The following ARHGAP20 variants were observed in gnomAD, a reference collection of about 807,000 sequenced individuals.
ARHGAP20 encodes rho GTPase-activating protein 20.
ARHGAP20 carries 34 observed loss-of-function variants against 73.7 expected under a neutral mutation model. The observed-to-expected ratio is 0.46, with a 90% CI of 0.35 to 0.61. The LOEUF (loss-of-function observed/expected upper bound fraction) is 0.61, where lower values mean the gene tolerates loss of function less well. Among genes scored for constraint, ARHGAP20 ranks in the 20% least tolerant of loss-of-function variants. ARHGAP20 has a pLI of 0.00. For synonymous variants in ARHGAP20, 523 were observed against 518.2 expected, an observed-to-expected ratio of 1.01 and a Z score of -0.13; for missense variants, 1,314 against 1,420.9, an observed-to-expected ratio of 0.92 and a Z score of 1.21.
intron 2 of ARHGAP20, among the ~76,000 whole-genome samples, chr11:110,688,951 G>A (rs942631502): frequency 2.6e-5 from 4 of 151,536 alleles, no homozygotes; most frequent in African/African-American, 9.7e-5. Flanking sequence ...TTGGGATTTG[G>A]ATATATAACT....
At chr11:110,650,407 T>G (rs1437827452) in intron 2 of ARHGAP20, among the ~76,000 whole-genome samples, 1 of 152,162 alleles carries the variant, frequency 6.6e-6, no homozygotes, top group African/African-American at 2.4e-5. Flanking sequence ...CAAATAATTT[T>G]TAATTAGAGT....
At chr11:110,615,496 G>T in intron 5 of ARHGAP20, 57 bp downstream of exon 5, 1 of 1,501,004 alleles carries the variant, frequency 6.7e-7, no homozygotes, top group South Asian at 1.2e-5. Context: ...CTGCAGAAAA[G>T]GTCTTAATTC....
At chr11:110,639,177 T>C (rs1306507992) in intron 2 of ARHGAP20, among the ~76,000 whole-genome samples, 10 of 151,948 alleles carry the variant, frequency 6.6e-5, no homozygotes, top group Admixed American at 6.6e-4. Context: ...CTAGTTTAGC[T>C]GCTTGGCTCA....
At chr11:110,621,329 TA>T (rs1267143623) in intron 4 of ARHGAP20, among the ~76,000 whole-genome samples, 5 of 152,108 alleles carry the variant, frequency 3.3e-5, no homozygotes, top group Non-Finnish European at 1.5e-5. Flanking sequence ...AGGTAGTTTT[TA>T]ACCACTATTT....
intron 2 of ARHGAP20, among the ~76,000 whole-genome samples, chr11:110,687,707 A>G (rs372892420): frequency 1.3e-5 from 2 of 152,218 alleles, no homozygotes; most frequent in Non-Finnish European, 2.9e-5. Flanking sequence ...ATTTTTAAAA[A>G]GTTGAAAATA....
intron 9 of ARHGAP20, among the ~76,000 whole-genome samples, chr11:110,599,021 C>T (rs1323907778): frequency 2.0e-5 from 3 of 152,126 alleles, no homozygotes; most frequent in African/African-American, 7.2e-5. Context: ...ATAGACCAGA[C>T]CTCCCTGTGC....
intron 2 of ARHGAP20, among the ~76,000 whole-genome samples, chr11:110,682,228 C>T (rs1950050360): frequency 6.6e-6 from 1 of 152,136 alleles, no homozygotes; most frequent in South Asian, 2.1e-4. Context: ...ATGTGTACTT[C>T]CTTCTGCTGT....
At chr11:110,584,761 C>T (rs1483059153) in intron 12 of ARHGAP20, among the ~76,000 whole-genome samples, 2 of 151,786 alleles carry the variant, frequency 1.3e-5, no homozygotes, top group African/African-American at 4.8e-5. Flanking sequence ...GTGGAGAGAA[C>T]TGATTGATCT....
chr11:110,697,302 A>G (rs77608947), intron 1 of ARHGAP20, among the ~76,000 whole-genome samples: 26,462 of 151,586 alleles, frequency 0.17, 2,321 homozygotes, highest in South Asian at 0.31. Context: ...ACAATATCTC[A>G]TTGTAGTTTT....
chr11:110,583,812 G>C, intron 12 of ARHGAP20, 75 bp from the exon 13 acceptor site: 3 of 1,217,242 alleles, frequency 2.5e-6, no homozygotes, highest in South Asian at 3.8e-5. Flanking sequence ...CTCTCACTTT[G>C]AATGGGGAAG....
intron 1 of ARHGAP20, among the ~76,000 whole-genome samples, chr11:110,709,085 A>G (rs1365135069): frequency 6.6e-6 from 1 of 152,092 alleles, no homozygotes. Context: ...GAGACTCACC[A>G]CTTGTTTCTC....
chr11:110,689,624 G>A (rs964905303), intron 2 of ARHGAP20, among the ~76,000 whole-genome samples: 1 of 152,118 alleles, frequency 6.6e-6, no homozygotes, highest in African/African-American at 2.4e-5. Flanking sequence ...AGTCAGGTGT[G>A]AGCAGGGCAG....
At chr11:110,619,637 T>G (rs1399663308) in intron 4 of ARHGAP20, among the ~76,000 whole-genome samples, 8 of 151,972 alleles carry the variant, frequency 5.3e-5, no homozygotes, top group Admixed American at 5.2e-4. Flanking sequence ...ATAGAGTATA[T>G]GCAGTGATAG....
chr11:110,698,153 C>A (rs759457932), intron 1 of ARHGAP20, among the ~76,000 whole-genome samples: 7 of 151,598 alleles, frequency 4.6e-5, no homozygotes, highest in Non-Finnish European at 8.9e-5. Flanking sequence ...TTACTGAATG[C>A]CTTTTCTGCA....
In ARHGAP20 at chr11:110,578,964, T is replaced by C; in HGVS notation, c.*406A>G. On this transcript the variant is annotated 3_prime_UTR_variant, in exon 15 of 15. Coordinates refer to ENST00000683387, the MANE Select transcript of ARHGAP20 (RefSeq NM_001384657.1). The stretch of plus-strand genomic sequence containing the variant: ...CTTATTAAAAACATTCCATGGAATG[T>C]AGATGGTTTCTCTGTACCCTTCCCC... 1.0e-6 allele frequency: 1 copy of C among 988,478 alleles called. No individual in the cohort carries two copies. Among genetic ancestry groups the C allele is most frequent in the Non-Finnish European group, 1.2e-6 (1 of 831,898 alleles). The allele number at this position is 988,478 out of a possible 1,614,324, so 61.2% of individuals were successfully genotyped here. A position where few individuals can be genotyped will look rare whatever the true frequency, so the allele number is the denominator to read the frequency against.
intron 13 of ARHGAP20, 138 bp from the exon 14 acceptor site, chr11:110,582,573 AAC>A: frequency 1.7e-6 from 1 of 598,012 alleles, no homozygotes; most frequent in Non-Finnish European, 2.9e-6. Context: ...AAGTACATTA[AAC>A]AGTTTCCCTA....
At chr11:110,686,831 T>C (rs968341099) in intron 2 of ARHGAP20, among the ~76,000 whole-genome samples, 4 of 151,942 alleles carry the variant, frequency 2.6e-5, no homozygotes, top group East Asian at 1.9e-4. Flanking sequence ...TAGAGGACCC[T>C]TTCAGGTTCT....
At chr11:110,616,115 CTT>C (rs1948477067) in intron 4 of ARHGAP20, among the ~76,000 whole-genome samples, 1 of 151,708 alleles carries the variant, frequency 6.6e-6, no homozygotes, top group African/African-American at 2.4e-5. Context: ...ATGGAAATCT[CTT>C]TGCCCAGAAA....
intron 2 of ARHGAP20, among the ~76,000 whole-genome samples, chr11:110,689,090 C>G (rs989631562): frequency 1.3e-5 from 2 of 151,484 alleles, no homozygotes; most frequent in South Asian, 4.2e-4. Context: ...GCTCCGCCTC[C>G]CCGGTTCACG....
Sources: allele counts gnomAD v4.1 joint callset (sites outside exome capture counted in the v4.1 genomes callset), GRCh38; gene constraint gnomAD v4.1.1; transcripts MANE v1.5; gene names NCBI Gene and HGNC (gene_info 2026-07-23, HGNC 2026-07-21).